The following PLXDC2 variants were observed in gnomAD, a reference collection of about 807,000 sequenced individuals.
The protein encoded by PLXDC2 is plexin domain containing 2.
Under a neutral mutation model 68.9 loss-of-function variants are expected in PLXDC2, and 40 were observed. The ratio of observed to expected loss-of-function variants is 0.58; its 90% CI spans 0.45 to 0.76. The LOEUF is 0.76. PLXDC2 is among the 30% of genes least tolerant of loss of function. The pLI is 0.00. For synonymous variants in PLXDC2, 243 were observed against 234.2 expected (o/e 1.04, Z -0.34); for missense variants, 644 against 661.9 (o/e 0.97, Z 0.30).
intron 1 of PLXDC2, among the ~76,000 whole-genome samples, chr10:19,990,150 C>T (rs984315025): frequency 9.2e-5 from 14 of 152,060 alleles, no homozygotes; most frequent in Admixed American, 2.6e-4. Context: ...AACTGGACCA[C>T]GTTAAGTCCA....
intron 10 of PLXDC2, among the ~76,000 whole-genome samples, chr10:20,215,230 A>T (rs547505742): frequency 6.9e-6 from 1 of 145,428 alleles, no homozygotes; most frequent in Non-Finnish European, 1.5e-5. Context: ...TCTGCACCAT[A>T]GGCTGATGAG....
chr10:19,940,314 G>A (rs917531216), intron 1 of PLXDC2, among the ~76,000 whole-genome samples: 4 of 151,984 alleles, frequency 2.6e-5, no homozygotes, highest in Admixed American at 2.6e-4. Flanking sequence ...AAATCTGCTA[G>A]GAAGTTTTAA....
intron 2 of PLXDC2, among the ~76,000 whole-genome samples, chr10:20,022,857 C>G (rs927278910): frequency 1.3e-5 from 2 of 151,808 alleles, no homozygotes; most frequent in African/African-American, 4.8e-5. Flanking sequence ...AGAGTTTTTG[C>G]GAATAAAATA....
chr10:19,853,640 T>C (rs998051750), intron 1 of PLXDC2, among the ~76,000 whole-genome samples: 6 of 81,010 alleles, frequency 7.4e-5, no homozygotes, highest in Middle Eastern at 6.7e-3. Context: ...AACTTTCCAA[T>C]GCTGCTTTGG....
chr10:20,128,851 A>G (rs1684898915), intron 4 of PLXDC2, among the ~76,000 whole-genome samples: 3 of 152,156 alleles, frequency 2.0e-5, no homozygotes. Context: ...TCCATTTTGT[A>G]CCTATACCAC....
chr10:20,104,850 A>G (rs1346828226), intron 4 of PLXDC2, among the ~76,000 whole-genome samples: 1 of 152,040 alleles, frequency 6.6e-6, no homozygotes, highest in African/African-American at 2.4e-5. Context: ...CAGGAGATCG[A>G]GACCATCCTG....
chr10:20,047,125 C>A, intron 3 of PLXDC2, 110 bp downstream of exon 3: 1 of 1,144,336 alleles, frequency 8.7e-7, no homozygotes, highest in Non-Finnish European at 1.2e-6. Context: ...ATTAGAATGG[C>A]CTTATCTGTG....
intron 1 of PLXDC2, among the ~76,000 whole-genome samples, chr10:19,883,105 C>T (rs539787318): frequency 4.0e-5 from 6 of 151,750 alleles, no homozygotes; most frequent in Middle Eastern, 3.4e-3. Context: ...TACAGGCGCC[C>T]GCCACCACGC....
intron 1 of PLXDC2, among the ~76,000 whole-genome samples, chr10:19,917,246 G>A (rs1432582040): frequency 6.6e-6 from 1 of 151,992 alleles, no homozygotes; most frequent in African/African-American, 2.4e-5. Context: ...TCCAAGGCTG[G>A]GCACAGAGGC....
intron 10 of PLXDC2, among the ~76,000 whole-genome samples, chr10:20,213,146 G>T (rs1004707432): frequency 6.6e-6 from 1 of 151,876 alleles, no homozygotes; most frequent in Non-Finnish European, 1.5e-5. Context: ...TTCCATCTAG[G>T]TGTTATTTTT....
At position 19,905,989 on chromosome 10, in the gene PLXDC2, A is replaced by G. The variant is rs550208479; in HGVS notation, c.112+88798A>G. Among the ~76,000 whole-genome samples the G allele has an allele frequency of 1.1e-4, 16 of 150,284 alleles. No homozygotes were observed. In the South Asian group the frequency reaches 3.1e-3, roughly 29 times the overall value. Reference sequence around the variant, plus strand: ...GGCCCTGTTCTAGTGTTGAAGAGATACAATAGTGGAAAAAAAAAAACAACT... The same window carrying G: ...GGCCCTGTTCTAGTGTTGAAGAGATGCAATAGTGGAAAAAAAAAAACAACT... On this transcript the variant is annotated intron_variant, in intron 1 of 13. Coordinates refer to ENST00000377252, the MANE Select transcript of PLXDC2 (RefSeq NM_032812.9).
chr10:19,979,269 C>A (rs1035022046), intron 1 of PLXDC2, among the ~76,000 whole-genome samples: 4 of 152,062 alleles, frequency 2.6e-5, no homozygotes, highest in African/African-American at 9.7e-5. Context: ...GCCTCCTGAG[C>A]CTAGTTCAGT....
At chr10:20,102,209 G>C (rs770178022) in intron 4 of PLXDC2, among the ~76,000 whole-genome samples, 41 of 152,248 alleles carry the variant, frequency 2.7e-4, no homozygotes, top group Middle Eastern at 3.4e-3. Context: ...GAAGTTTTCT[G>C]TCTGCTGTAA....
intron 3 of PLXDC2, among the ~76,000 whole-genome samples, chr10:20,063,736 C>T (rs10827947): frequency 7.2e-5 from 11 of 151,830 alleles, no homozygotes; most frequent in African/African-American, 1.9e-4. Context: ...TCTGTTGCCC[C>T]GAGAAATTGT....
Position 20,267,309 on chromosome 10 carries a change from C to T in PLXDC2, c.1474-12394C>T, listed in dbSNP as rs1263676366. 2.0e-5 allele frequency among the ~76,000 whole-genome samples: 3 copies of T among 152,180 alleles called. No homozygotes were observed. The East Asian group carries it at 5.8e-4, about 29-fold the overall frequency. On this transcript the variant is annotated intron_variant, in intron 13 of 13. Coordinates refer to ENST00000377252, the MANE Select transcript of PLXDC2 (RefSeq NM_032812.9). ...ACTAAGTAGAGAATCAGTATCTATC[C>T]TCTTTCTTATTTTATATATAAGAAC...
In PLXDC2 at chr10:20,238,668, T is replaced by TATATGTATATATATATATATACACAC. The variant is rs1554777535; in HGVS notation, c.1313-6673_1313-6672insGTATATATATATATATACACACATAT. ...AAGACTCCATCTCAAAAAAAATATA[T>TATATGTATATATATATATATACACAC]ATATATATGTATATATATATATATA... On this transcript the variant is annotated intron_variant, in intron 12 of 13. Coordinates refer to ENST00000377252, the MANE Select transcript of PLXDC2 (RefSeq NM_032812.9). Among the ~76,000 whole-genome samples, 239 of 96,766 alleles carry TATATGTATATATATATATATACACAC rather than the reference T, an allele frequency of 2.5e-3. 7 individuals are homozygous for TATATGTATATATATATATATACACAC. The highest frequency in any genetic ancestry group is 9.6e-3 in the African/African-American group (216 of 22,492). 63.5% of individuals were successfully genotyped at this position (96,766 alleles called of 152,430 possible). A position where few individuals can be genotyped will look rare whatever the true frequency, so the allele number is the denominator to read the frequency against.
At chr10:20,029,617 C>G (rs753606071) in intron 2 of PLXDC2, among the ~76,000 whole-genome samples, 6 of 152,078 alleles carry the variant, frequency 3.9e-5, no homozygotes, top group Non-Finnish European at 7.4e-5. Context: ...AGAACAAATA[C>G]TTCTTGGGCT....
chr10:19,985,824 C>T (rs979848145), intron 1 of PLXDC2, among the ~76,000 whole-genome samples: 1 of 152,228 alleles, frequency 6.6e-6, no homozygotes, highest in African/African-American at 2.4e-5. Context: ...TAAAACCCTT[C>T]CAGTGACTTT....
intron 6 of PLXDC2, among the ~76,000 whole-genome samples, chr10:20,158,169 T>G (rs1564336200): frequency 6.6e-6 from 1 of 152,082 alleles, no homozygotes; most frequent in Non-Finnish European, 1.5e-5. Flanking sequence ...AGGATGAATA[T>G]AAATTTGTAG....
Sources: allele counts gnomAD v4.1 joint callset (sites outside exome capture counted in the v4.1 genomes callset), GRCh38; gene constraint gnomAD v4.1.1; transcripts MANE v1.5; gene names NCBI Gene and HGNC (gene_info 2026-07-23, HGNC 2026-07-21).